The following FAM168B variants were observed in gnomAD, a reference collection of about 807,000 sequenced individuals.
The protein encoded by FAM168B is family with sequence similarity 168 member B.
Under a neutral mutation model 21.8 loss-of-function variants are expected in FAM168B, and 19 were observed. The observed-to-expected ratio is 0.87, with a 90% CI of 0.61 to 1.28. The LOEUF (loss-of-function observed/expected upper bound fraction) is 1.28. Among genes scored for constraint, FAM168B ranks in the 50% most tolerant of loss-of-function variants. FAM168B has a pLI of 0.00. For missense variants in FAM168B, 233 were observed against 263.1 expected (o/e 0.89, Z 0.79); for synonymous variants, 126 against 104.8 (o/e 1.20, Z -1.24).
intron 2 of FAM168B, among the ~76,000 whole-genome samples, chr2:131,074,132 TTC>T (rs1032245158): frequency 2.0e-4 from 31 of 151,290 alleles, no homozygotes; most frequent in African/African-American, 7.4e-4. Context: ...TTAGAAAGTA[TTC>T]TCTCTTTTTT....
Position 131,050,354 on chromosome 2 carries a change from A to C in FAM168B, c.*2111T>G, listed in dbSNP as rs913663638. The C allele has an allele frequency of 1.0e-6, 1 of 985,538 alleles. No individual in the cohort carries two copies. The highest frequency in any genetic ancestry group is 1.7e-5 in the African/African-American group (1 of 57,240). The allele number at this position is 985,538 out of a possible 1,614,324, so 61.0% of individuals were successfully genotyped here. On this transcript the variant is annotated 3_prime_UTR_variant, in exon 7 of 7. Coordinates refer to ENST00000389915, the MANE Select transcript of FAM168B (RefSeq NM_001009993.4). ...TCTATTAGCACTCAATTGGGAAAAAAGACTTCTCTGCTACTTGGTCAGCTG... is the reference window on the plus strand; with the variant it reads ...TCTATTAGCACTCAATTGGGAAAAACGACTTCTCTGCTACTTGGTCAGCTG...
intron 3 of FAM168B, among the ~76,000 whole-genome samples, chr2:131,058,943 T>C (rs16856511): frequency 0.042 from 6,348 of 152,184 alleles, 430 homozygotes; most frequent in African/African-American, 0.14. Flanking sequence ...CAAAGAATTA[T>C]AAAGGAAAAG....
At chr2:131,055,885 G>A (rs147684343) in intron 3 of FAM168B, among the ~76,000 whole-genome samples, 190 bp from the exon 4 acceptor site, 146 of 152,298 alleles carry the variant, frequency 9.6e-4, no homozygotes, top group Non-Finnish European at 7.1e-4. Flanking sequence ...GTGCATGCAC[G>A]TGTGTGTGGT....
At chr2:131,065,614 A>AC (rs1336509932) in intron 3 of FAM168B, among the ~76,000 whole-genome samples, 2 of 151,846 alleles carry the variant, frequency 1.3e-5, no homozygotes, top group Non-Finnish European at 2.9e-5. Context: ...ACATGGAGAA[A>AC]CCCCGTCTCT....
chr2:131,056,878 G>C (rs1245319980), intron 3 of FAM168B, among the ~76,000 whole-genome samples: 1 of 152,172 alleles, frequency 6.6e-6, no homozygotes, highest in Non-Finnish European at 1.5e-5. Flanking sequence ...ACCTAATCCA[G>C]AGTCATCAAA....
chr2:131,092,961 C>T (rs1694110914), intron 1 of FAM168B, among the ~76,000 whole-genome samples: 1 of 152,034 alleles, frequency 6.6e-6, no homozygotes, highest in Non-Finnish European at 1.5e-5. Context: ...CGCCCCGCGC[C>T]GCGAAGCCAC....
In FAM168B at chr2:131,050,915, C is replaced by T. The variant is rs1405147992; in HGVS notation, c.*1550G>A. 2 of 985,882 alleles carry T rather than the reference C, an allele frequency of 2.0e-6. No homozygotes were observed. The highest frequency in any genetic ancestry group is 1.1e-4 in the East Asian group (1 of 8,832). 61.1% of individuals were successfully genotyped at this position (985,882 alleles called of 1,614,324 possible). A position where few individuals can be genotyped will look rare whatever the true frequency, so the allele number is the denominator to read the frequency against. On this transcript the variant is annotated 3_prime_UTR_variant, in exon 7 of 7. Transcript: ENST00000389915. ...GCCGCTGAAAGGGACCCAGGCCTTACATCCCCCACCCCCACTCTGACCCTC... is the reference window on the plus strand; with the variant it reads ...GCCGCTGAAAGGGACCCAGGCCTTATATCCCCCACCCCCACTCTGACCCTC...
chr2:131,048,029 G>A lies in FAM168B; in HGVS notation c.*4436C>T, dbSNP rs138770535. ...TATCAATTGACACCTAACTGAACTG[G>A]CTCAGGATGGAAATTCCATTCCTTG... On this transcript the variant is annotated 3_prime_UTR_variant, in exon 7 of 7. Transcript: ENST00000389915. The A allele has an allele frequency of 5.6e-4, 212 of 380,826 alleles. No homozygotes were observed. Among genetic ancestry groups the A allele is most frequent in the African/African-American group, 4.2e-3 (199 of 47,344 alleles). The allele number at this position is 380,826 out of a possible 1,614,324, so 23.6% of individuals were successfully genotyped here. A position where few individuals can be genotyped will look rare whatever the true frequency, so the allele number is the denominator to read the frequency against.
rs977674371 is a variant in FAM168B at position 131,048,666 on chromosome 2, A to T, written c.*3799T>A. 1.0e-6 allele frequency: 1 copy of T among 994,708 alleles called. No homozygotes were observed. The highest frequency in any genetic ancestry group is 1.2e-6 in the Non-Finnish European group (1 of 835,640). 61.6% of individuals were successfully genotyped at this position (994,708 alleles called of 1,614,324 possible). A position where few individuals can be genotyped will look rare whatever the true frequency, so the allele number is the denominator to read the frequency against. On this transcript the variant is annotated 3_prime_UTR_variant, in exon 7 of 7. Transcript: ENST00000389915. ...TGATAAAGCATGTCCTCTGCAGTATACTCAAGAGTCTGCTGCCCTTCAGAA... is the reference window on the plus strand; with the variant it reads ...TGATAAAGCATGTCCTCTGCAGTATTCTCAAGAGTCTGCTGCCCTTCAGAA...
At chr2:131,060,081 G>A (rs1407636363) in intron 3 of FAM168B, among the ~76,000 whole-genome samples, 3 of 151,910 alleles carry the variant, frequency 2.0e-5, no homozygotes, top group Admixed American at 2.0e-4. Context: ...AGGCTGGAGT[G>A]CTGACACCAT....
In FAM168B at chr2:131,071,874, C is replaced by A; in HGVS notation, c.135G>T (p.Ala45=). ...PAYSPNMYPG[A]NPTFQTGYTP... ...ACATACCTGTTTGGAAGGTAGGATT[C>A]GCTCCAGGATACATGTTAGGAGAAT... Residue 45 remains alanine, a synonymous_variant, in exon 3 of 7, where the codon GCG becomes GCT. Coordinates refer to ENST00000389915, the MANE Select transcript of FAM168B (RefSeq NM_001009993.4). 1 of 1,613,758 alleles carries A rather than the reference C, an allele frequency of 6.2e-7. No individual in the cohort carries two copies. The highest frequency in any genetic ancestry group is 8.5e-7 in the Non-Finnish European group (1 of 1,179,778).
intron 1 of FAM168B, among the ~76,000 whole-genome samples, chr2:131,090,721 G>A (rs1242354910): frequency 6.6e-6 from 1 of 151,960 alleles, no homozygotes. Flanking sequence ...ACATATATAT[G>A]TATAATATAT....
At position 131,052,118 on chromosome 2, in the gene FAM168B, G is replaced by A; in HGVS notation, c.*347C>T. 4.1e-6 allele frequency: 4 copies of A among 985,786 alleles called. No homozygotes were observed. The highest frequency in any genetic ancestry group is 4.8e-6 in the Non-Finnish European group (4 of 829,928). 61.1% of individuals were successfully genotyped at this position (985,786 alleles called of 1,614,324 possible). A position where few individuals can be genotyped will look rare whatever the true frequency, so the allele number is the denominator to read the frequency against. On this transcript the variant is annotated 3_prime_UTR_variant, in exon 7 of 7. Coordinates refer to ENST00000389915, the MANE Select transcript of FAM168B (RefSeq NM_001009993.4). ...TTTGGATTTTGCATATGATGGTTTT[G>A]CATCAGTCACTGCAGGTAGATTGAG...
chr2:131,053,055 T>C (rs1341681609), intron 5 of FAM168B, 40 bp from the exon 6 acceptor site: 48 of 1,526,888 alleles, frequency 3.1e-5, no homozygotes, highest in Non-Finnish European at 4.0e-5. Context: ...GCTGACCTCC[T>C]GCACAGCTCC....
Position 131,049,966 on chromosome 2 carries a change from C to G in FAM168B, c.*2499G>C, listed in dbSNP as rs958109406. The G allele has an allele frequency of 1.0e-6, 1 of 985,366 alleles. No individual in the cohort carries two copies. The highest frequency in any genetic ancestry group is 6.1e-5 in the Admixed American group (1 of 16,270). The allele number at this position is 985,366 out of a possible 1,614,324, so 61.0% of individuals were successfully genotyped here. A position where few individuals can be genotyped will look rare whatever the true frequency, so the allele number is the denominator to read the frequency against. On this transcript the variant is annotated 3_prime_UTR_variant, in exon 7 of 7. Transcript: ENST00000389915. ...AGATTCTTACCTGATATCTACCTTT[C>G]GTATCTGACAGCTGACGTCCTAAAA...
intron 1 of FAM168B, among the ~76,000 whole-genome samples, chr2:131,083,112 TC>T (rs1466052853): frequency 6.6e-6 from 1 of 151,976 alleles, no homozygotes; most frequent in Non-Finnish European, 1.5e-5. Context: ...TCTTAGCACT[TC>T]GGGAGGCTGA....
At chr2:131,083,393 A>T (rs192327467) in intron 1 of FAM168B, among the ~76,000 whole-genome samples, 1 of 152,208 alleles carries the variant, frequency 6.6e-6, no homozygotes, top group Non-Finnish European at 1.5e-5. Context: ...AACAAAAATT[A>T]GCCAAGTGTG....
Position 131,048,295 on chromosome 2 carries a change from G to C in FAM168B, c.*4170C>G. 1 of 1,304,252 alleles carries C rather than the reference G, an allele frequency of 7.7e-7. No individual in the cohort carries two copies. The highest frequency in any genetic ancestry group is 1.0e-6 in the Non-Finnish European group (1 of 988,948). 80.8% of individuals were successfully genotyped at this position (1,304,252 alleles called of 1,614,324 possible). A position where few individuals can be genotyped will look rare whatever the true frequency, so the allele number is the denominator to read the frequency against. ...AGCACAAACGGCTGGCCTGAGATCTGGCCCAGCTGCCTTGCCCACTGGTCT... is the reference window on the plus strand; with the variant it reads ...AGCACAAACGGCTGGCCTGAGATCTCGCCCAGCTGCCTTGCCCACTGGTCT... On this transcript the variant is annotated 3_prime_UTR_variant, in exon 7 of 7. Coordinates refer to ENST00000389915, the MANE Select transcript of FAM168B (RefSeq NM_001009993.4).
chr2:131,051,324 C>G lies in FAM168B; in HGVS notation c.*1141G>C, dbSNP rs954355923. 4.1e-6 allele frequency: 4 copies of G among 985,278 alleles called. No homozygotes were observed. In the African/African-American group the frequency reaches 7.0e-5, roughly 17 times the overall value. The allele number at this position is 985,278 out of a possible 1,614,324, so 61.0% of individuals were successfully genotyped here. A position where few individuals can be genotyped will look rare whatever the true frequency, so the allele number is the denominator to read the frequency against. On this transcript the variant is annotated 3_prime_UTR_variant, in exon 7 of 7. Transcript: ENST00000389915. ...ACATATCCACGGCCCTGCCTTTCTA[C>G]AAGAAATTGGAGGAATTTTAAATAA...
Sources: allele counts gnomAD v4.1 joint callset (sites outside exome capture counted in the v4.1 genomes callset), GRCh38; gene constraint gnomAD v4.1.1; transcripts MANE v1.5; gene names NCBI Gene and HGNC (gene_info 2026-07-23, HGNC 2026-07-21).